KCNIP4: variants seen among roughly 807,000 people sequenced by gnomAD.
KCNIP4 encodes potassium voltage-gated channel interacting protein 4, also known as Kv channel-interacting protein 4.
A neutral mutation model predicts 34.0 loss-of-function variants in KCNIP4; 12 were observed. The observed-to-expected ratio is 0.35, with a 90% CI of 0.23 to 0.57. The LOEUF (loss-of-function observed/expected upper bound fraction) is 0.57, where lower values mean the gene tolerates loss of function less well. KCNIP4 is among the 20% of genes least tolerant of loss of function. KCNIP4 has a pLI of 0.83. For missense variants in KCNIP4, 238 were observed against 311.7 expected (o/e 0.76, Z 1.78); for synonymous variants, 124 against 102.2 (o/e 1.21, Z -1.29).
intron 1 of KCNIP4, among the ~76,000 whole-genome samples, chr4:21,556,816 G>T (rs1029017401): frequency 1.3e-5 from 2 of 150,652 alleles, no homozygotes; most frequent in Non-Finnish European, 3.0e-5. Context: ...AGCTACTCAG[G>T]AGGCTGAGGC....
chr4:21,453,016 C>A (rs1728641165), intron 1 of KCNIP4, among the ~76,000 whole-genome samples: 1 of 152,070 alleles, frequency 6.6e-6, no homozygotes, highest in African/African-American at 2.4e-5. Flanking sequence ...AGTTTAGGCA[C>A]CTTTTAGCCA....
At chr4:21,030,004 G>C (rs892017836) in intron 1 of KCNIP4, among the ~76,000 whole-genome samples, 12 of 152,122 alleles carry the variant, frequency 7.9e-5, no homozygotes, top group Non-Finnish European at 1.3e-4. Flanking sequence ...TAAAAAAATA[G>C]TTCAGTTGGA....
intron 1 of KCNIP4, among the ~76,000 whole-genome samples, chr4:21,733,693 C>T (rs1008613302): frequency 5.9e-5 from 9 of 152,008 alleles, no homozygotes; most frequent in Non-Finnish European, 1.2e-4. Context: ...CATGAATATC[C>T]GTATGTTGCT....
intron 3 of KCNIP4, among the ~76,000 whole-genome samples, chr4:20,773,047 G>GAAA (rs34903951): frequency 2.3e-3 from 344 of 147,160 alleles, no homozygotes; most frequent in East Asian, 7.0e-3. Flanking sequence ...TGAAGTTAAA[G>GAAA]AAAAAAAAAA....
intron 1 of KCNIP4, among the ~76,000 whole-genome samples, chr4:21,683,817 C>G (rs1336619981): frequency 6.6e-6 from 1 of 152,098 alleles, no homozygotes; most frequent in African/African-American, 2.4e-5. Context: ...GGTCATTATC[C>G]TTAGCAAACT....
At chr4:21,636,695 A>T (rs948316904) in intron 1 of KCNIP4, among the ~76,000 whole-genome samples, 1 of 152,184 alleles carries the variant, frequency 6.6e-6, no homozygotes, top group African/African-American at 2.4e-5. Context: ...CAAGTATTAG[A>T]TCTTACTTTT....
At position 20,738,809 on chromosome 4, in the gene KCNIP4, C is replaced by T. The variant is rs141508897; in HGVS notation, c.430-4074G>A. Among the ~76,000 whole-genome samples the T allele has an allele frequency of 3.0e-3, 461 of 152,240 alleles. 1 individual carries two copies. Among genetic ancestry groups the T allele is most frequent in the African/African-American group, 0.01 (435 of 41,548 alleles). On this transcript the variant is annotated intron_variant, in intron 5 of 8. Coordinates refer to ENST00000382152, the MANE Select transcript of KCNIP4 (RefSeq NM_025221.6). The stretch of plus-strand genomic sequence containing the variant: ...GTGGGGCATCGCCTCACCCAGGAAG[C>T]GCAAGGGGTTGGGGAATTCCCTTTC...
chr4:21,304,513 G>A (rs1450150267), intron 1 of KCNIP4: 5 of 152,252 alleles, frequency 3.3e-5, no homozygotes, highest in African/African-American at 9.6e-5. Flanking sequence ...GCTGCAGACA[G>A]GGAGCAGAGC....
At chr4:21,492,021 A>G (rs1268053378) in intron 1 of KCNIP4, among the ~76,000 whole-genome samples, 1 of 152,200 alleles carries the variant, frequency 6.6e-6, no homozygotes, top group Non-Finnish European at 1.5e-5. Context: ...ACCTCCAAAG[A>G]TAGATTCTCT....
chr4:21,111,865 T>G (rs1458035406), intron 1 of KCNIP4, among the ~76,000 whole-genome samples: 1 of 152,200 alleles, frequency 6.6e-6, no homozygotes, highest in African/African-American at 2.4e-5. Context: ...TGCCAGGTCC[T>G]GGCACTACAT....
At chr4:21,811,167 C>T (rs748979656) in intron 1 of KCNIP4, among the ~76,000 whole-genome samples, 38 of 152,284 alleles carry the variant, frequency 2.5e-4, no homozygotes, top group Middle Eastern at 3.4e-3. Context: ...TCTTAGTAAA[C>T]AGCAACACAT....
Position 21,370,878 on chromosome 4 carries a change from CACACGTGT to C in KCNIP4, c.62-488177_62-488170del, listed in dbSNP as rs1257510506. Among the ~76,000 whole-genome samples the C allele has an allele frequency of 8.6e-5, 6 of 69,718 alleles. 1 individual carries two copies. The highest frequency in any genetic ancestry group is 4.1e-4 in the African/African-American group (6 of 14,668). 45.7% of individuals were successfully genotyped at this position (69,718 alleles called of 152,430 possible). The stretch of plus-strand genomic sequence containing the variant: ...ACACACACACACACACACACACACA[CACACGTGT>C]GTGTGTGTGTGTGTGTATTAGCAGA... On this transcript the variant is annotated intron_variant, in intron 1 of 8. Transcript: ENST00000382152.
chr4:21,046,778 A>T (rs932974063), intron 1 of KCNIP4, among the ~76,000 whole-genome samples: 14 of 152,126 alleles, frequency 9.2e-5, no homozygotes, highest in Admixed American at 3.3e-4. Flanking sequence ...TTTAGTAGAG[A>T]TGGGGTTTCT....
At position 21,841,870 on chromosome 4, in the gene KCNIP4, T is replaced by A. The variant is rs114524883; in HGVS notation, c.61+106701A>T. On this transcript the variant is annotated intron_variant, in intron 1 of 8. Transcript: ENST00000382152. ...AAGAGTCAGTGCACTTAAGATTATC[T>A]GAAAACAAGTTATCACTTCAGGCTC... Among the ~76,000 whole-genome samples the A allele has an allele frequency of 1.7e-4, 26 of 152,288 alleles. No individual in the cohort carries two copies. In the East Asian group the frequency reaches 5.0e-3, roughly 29 times the overall value.
chr4:21,839,766 G>A (rs1345426261), intron 1 of KCNIP4, among the ~76,000 whole-genome samples: 6 of 151,972 alleles, frequency 3.9e-5, no homozygotes, highest in Non-Finnish European at 7.4e-5. Flanking sequence ...AAAAAAAAGA[G>A]AAGAAATAGT....
chr4:21,544,946 T>C (rs1490296909), intron 1 of KCNIP4, among the ~76,000 whole-genome samples: 1 of 152,094 alleles, frequency 6.6e-6, no homozygotes. Context: ...CTAGAACGAC[T>C]CCATCTTGAA....
At chr4:21,610,192 G>C (rs1488362253) in intron 1 of KCNIP4, among the ~76,000 whole-genome samples, 3 of 152,224 alleles carry the variant, frequency 2.0e-5, no homozygotes, top group Non-Finnish European at 2.9e-5. Flanking sequence ...AGAGTGAATG[G>C]ATAAACCAGC....
chr4:21,508,738 C>T (rs553618635), intron 1 of KCNIP4, among the ~76,000 whole-genome samples: 1 of 139,134 alleles, frequency 7.2e-6, no homozygotes, highest in African/African-American at 3.4e-5. Flanking sequence ...ATGCTGTCTG[C>T]TGCCCTGAGG....
intron 1 of KCNIP4, among the ~76,000 whole-genome samples, chr4:21,730,967 A>T (rs2109111249): frequency 6.6e-6 from 1 of 152,202 alleles, no homozygotes; most frequent in East Asian, 1.9e-4. Context: ...ACAAAAAATT[A>T]GCCAGACGTG....
Sources: allele counts gnomAD v4.1 joint callset (sites outside exome capture counted in the v4.1 genomes callset), GRCh38; gene constraint gnomAD v4.1.1; transcripts MANE v1.5; gene names NCBI Gene and HGNC (gene_info 2026-07-23, HGNC 2026-07-21).